The following CNOT7 variants were observed in gnomAD, a reference collection of about 807,000 sequenced individuals.
CNOT7 encodes BTG1-binding factor 1.
A neutral mutation model predicts 37.1 loss-of-function variants in CNOT7; 4 were observed. The observed-to-expected ratio is 0.11, with a 90% confidence interval of 0.05 to 0.25. The LOEUF (loss-of-function observed/expected upper bound fraction) is 0.25, where lower values mean the gene tolerates loss of function less well. Among genes scored for constraint, CNOT7 ranks in the 10% least tolerant of loss-of-function variants. The pLI is 1.00. For missense variants in CNOT7, 170 were observed against 336.2 expected, an observed-to-expected ratio of 0.51 and a Z score of 3.87; for synonymous variants, 128 against 115.6, an observed-to-expected ratio of 1.11 and a Z score of -0.69.
At chr8:17,234,900 A>C in intron 4 of CNOT7, 40 bp from the exon 5 acceptor site, 1 of 1,568,968 alleles carries the variant, frequency 6.4e-7, no homozygotes, top group Non-Finnish European at 8.6e-7. Context: ...GGGACATATA[A>C]ATACTATAAA....
chr8:17,236,410 CTCTT>C (rs1809367897), intron 4 of CNOT7, among the ~76,000 whole-genome samples: 1 of 152,186 alleles, frequency 6.6e-6, no homozygotes, highest in Non-Finnish European at 1.5e-5. Flanking sequence ...GATGGGAAAA[CTCTT>C]TTTCATACCT....
intron 6 of CNOT7, chr8:17,231,711 G>T (rs752281006): frequency 2.0e-6 from 2 of 985,224 alleles, no homozygotes; most frequent in African/African-American, 1.7e-5. Context: ...ATAGCTAGGT[G>T]TATCTGTGCA....
intron 4 of CNOT7, among the ~76,000 whole-genome samples, chr8:17,236,717 ACTGT>A (rs922306942): frequency 3.3e-5 from 5 of 152,162 alleles, no homozygotes; most frequent in Non-Finnish European, 7.3e-5. Context: ...ATTTTTAAAA[ACTGT>A]CTGCCCACCC....
chr8:17,244,365 C>CTGATTT (rs1335850856), intron 2 of CNOT7: 1 of 152,242 alleles, frequency 6.6e-6, no homozygotes, highest in African/African-American at 2.4e-5. Flanking sequence ...ACTGGCACAT[C>CTGATTT]TGATTTTTTT....
chr8:17,230,557 T>C lies in CNOT7; in HGVS notation c.*163A>G, dbSNP rs1563184597. 1 of 442,694 alleles carries C rather than the reference T, an allele frequency of 2.3e-6. No homozygotes were observed. The highest frequency in any genetic ancestry group is 3.9e-6 in the Non-Finnish European group (1 of 255,750). The allele number at this position is 442,694 out of a possible 1,614,324, so 27.4% of individuals were successfully genotyped here. A position where few individuals can be genotyped will look rare whatever the true frequency, so the allele number is the denominator to read the frequency against. On this transcript the variant is annotated 3_prime_UTR_variant, in exon 7 of 7. Coordinates refer to ENST00000361272, the MANE Select transcript of CNOT7 (RefSeq NM_013354.7). ...TTTTTTTTTTCTTTTTATTAAGATCTGAGATAGGAACGGTCATACTTAGTA... is the reference window on the plus strand; with the variant it reads ...TTTTTTTTTTCTTTTTATTAAGATCCGAGATAGGAACGGTCATACTTAGTA...
intron 3 of CNOT7, among the ~76,000 whole-genome samples, chr8:17,239,775 G>A (rs1012030926): frequency 6.6e-6 from 1 of 152,224 alleles, no homozygotes; most frequent in Non-Finnish European, 1.5e-5. Context: ...TTACAGGCGT[G>A]AGCCACCACG....
chr8:17,242,711 T>C (rs1428778097), intron 3 of CNOT7: 3 of 245,394 alleles, frequency 1.2e-5, no homozygotes, highest in African/African-American at 2.2e-5. Flanking sequence ...GTAAAACTAA[T>C]GTAGGATTAT....
At chr8:17,242,408 T>A (rs1178307889) in intron 3 of CNOT7, 1 of 152,192 alleles carries the variant, frequency 6.6e-6, no homozygotes, top group African/African-American at 2.4e-5. Context: ...GGAAACTGGG[T>A]GAAGACCCAG....
At chr8:17,236,496 A>G (rs939377053) in intron 4 of CNOT7, among the ~76,000 whole-genome samples, 6 of 152,230 alleles carry the variant, frequency 3.9e-5, no homozygotes, top group African/African-American at 7.2e-5. Flanking sequence ...TTTCATAACA[A>G]TAAAGAATTT....
In CNOT7 at chr8:17,229,222, T is replaced by C. The variant is rs1808347845; in HGVS notation, c.*1498A>G. On this transcript the variant is annotated 3_prime_UTR_variant, in exon 7 of 7. Transcript: ENST00000361272. Reference sequence around the variant, plus strand: ...ATTTCCAAAAGAAAATCACCAGTCATCAACATTTATAAGAAAACATTTTGA... The same window carrying C: ...ATTTCCAAAAGAAAATCACCAGTCACCAACATTTATAAGAAAACATTTTGA... 1 of 151,950 alleles carries C rather than the reference T, an allele frequency of 6.6e-6. No individual in the cohort carries two copies. Among genetic ancestry groups the C allele is most frequent in the Non-Finnish European group, 1.5e-5 (1 of 67,850 alleles). The allele number at this position is 151,950 out of a possible 1,614,324, so 9.4% of individuals were successfully genotyped here.
rs1334061263 is a variant in CNOT7 at position 17,230,799 on chromosome 8, T to A, written c.779A>T (p.Tyr260Phe). ...IDDAKYCGHLYGLGSGSSYVQ... is the reference protein window; with the variant it reads ...IDDAKYCGHLFGLGSGSSYVQ... Reference sequence around the variant, plus strand: ...ATAGGATGAACCAGAACCAAGGCCATACAAATGACCACAATATTTGGCATC... The same window carrying A: ...ATAGGATGAACCAGAACCAAGGCCAAACAAATGACCACAATATTTGGCATC... The change falls in exon 7 of 7, where the codon TAT becomes TTT. Residue 260 changes from tyrosine to phenylalanine, a missense_variant. Coordinates refer to ENST00000361272, the MANE Select transcript of CNOT7 (RefSeq NM_013354.7). The A allele has an allele frequency of 1.2e-6, 2 of 1,609,064 alleles. No individual in the cohort carries two copies. Among genetic ancestry groups the A allele is most frequent in the Non-Finnish European group, 1.7e-6 (2 of 1,176,428 alleles).
rs891983133 is a variant in CNOT7, at chr8:17,228,306, A to G, written c.*2414T>C. 6.6e-6 allele frequency: 1 copy of G among 151,906 alleles called. No individual in the cohort carries two copies. The highest frequency in any genetic ancestry group is 2.4e-5 in the African/African-American group (1 of 41,420). 9.4% of individuals were successfully genotyped at this position (151,906 alleles called of 1,614,324 possible). ...AGTAACACTAAAATATCAGCCAAAT[A>G]TCTTACATCTGGAACCTAGACTTTA... is the stretch of plus-strand genomic sequence containing the variant. On this transcript the variant is annotated 3_prime_UTR_variant, in exon 7 of 7. Coordinates refer to ENST00000361272, the MANE Select transcript of CNOT7 (RefSeq NM_013354.7).
chr8:17,228,627 C>T lies in CNOT7; in HGVS notation c.*2093G>A, dbSNP rs1270022659. 6.6e-6 allele frequency: 1 copy of T among 151,920 alleles called. No individual in the cohort carries two copies. Among genetic ancestry groups the T allele is most frequent in the Non-Finnish European group, 1.5e-5 (1 of 67,852 alleles). 9.4% of individuals were successfully genotyped at this position (151,920 alleles called of 1,614,324 possible). A position where few individuals can be genotyped will look rare whatever the true frequency, so the allele number is the denominator to read the frequency against. On this transcript the variant is annotated 3_prime_UTR_variant, in exon 7 of 7. Transcript: ENST00000361272. ...CTAAACTTTTGATGGGGTTACCTCTCAATACACCCACTGTAAAGTTGAAAA... is the reference window on the plus strand; with the variant it reads ...CTAAACTTTTGATGGGGTTACCTCTTAATACACCCACTGTAAAGTTGAAAA...
chr8:17,232,292 T>C (rs1310726781), intron 6 of CNOT7, 135 bp downstream of exon 6: 7 of 1,524,900 alleles, frequency 4.6e-6, no homozygotes, highest in Non-Finnish European at 5.2e-6. Flanking sequence ...TTAAGTGTGG[T>C]GGATGTGACT....
chr8:17,240,672 T>C (rs192562972), intron 3 of CNOT7, among the ~76,000 whole-genome samples: 8 of 152,298 alleles, frequency 5.3e-5, no homozygotes, highest in African/African-American at 1.9e-4. Context: ...AGTATCTAAT[T>C]TAAAAACAAT....
chr8:17,232,258 A>C lies in CNOT7; in HGVS notation c.729+169T>G, dbSNP rs773834256. ...CCCAGTTCCTTCTGAACTACATTTC[A>C]AGATGACTTATTTTTGAATACTTTT... is the stretch of plus-strand genomic sequence containing the variant. On this transcript the variant is annotated intron_variant, in intron 6 of 6. Coordinates refer to ENST00000361272, the MANE Select transcript of CNOT7 (RefSeq NM_013354.7). 61 of 1,457,318 alleles carry C rather than the reference A, an allele frequency of 4.2e-5. 1 individual carries two copies. In the South Asian group the frequency reaches 7.9e-4, roughly 19 times the overall value. The allele number at this position is 1,457,318 out of a possible 1,614,324, so 90.3% of individuals were successfully genotyped here. A position where few individuals can be genotyped will look rare whatever the true frequency, so the allele number is the denominator to read the frequency against.
chr8:17,244,716 T>C (rs959896547), intron 2 of CNOT7: 18 of 220,770 alleles, frequency 8.2e-5, no homozygotes, highest in African/African-American at 3.9e-4. Context: ...ACACATCCAA[T>C]CCACAGTAAA....
chr8:17,232,699 T>C (rs1225200378), intron 5 of CNOT7, among the ~76,000 whole-genome samples, 162 bp from the exon 6 acceptor site: 1 of 152,198 alleles, frequency 6.6e-6, no homozygotes, highest in Non-Finnish European at 1.5e-5. Flanking sequence ...GAATTACTAA[T>C]GTATTTGTTG....
chr8:17,238,965 C>G (rs554328026), intron 3 of CNOT7, among the ~76,000 whole-genome samples: 2 of 152,322 alleles, frequency 1.3e-5, no homozygotes, highest in Non-Finnish European at 2.9e-5. Context: ...AAGTGCCTAT[C>G]TTTATCCTAA....
Sources: allele counts gnomAD v4.1 joint callset (sites outside exome capture counted in the v4.1 genomes callset), GRCh38; gene constraint gnomAD v4.1.1; transcripts MANE v1.5; gene names NCBI Gene and HGNC (gene_info 2026-07-23, HGNC 2026-07-21).